The following NBAS variants were observed in gnomAD, a reference collection of about 807,000 sequenced individuals.
NBAS encodes NAG/BC035112 fusion.
A neutral mutation model predicts 302.5 loss-of-function variants in NBAS; 219 were observed. The observed-to-expected ratio is 0.72, with a 90% CI of 0.65 to 0.81. The LOEUF (loss-of-function observed/expected upper bound fraction) is 0.81. NBAS is among the 30% of genes least tolerant of loss of function. The probability of loss-of-function intolerance (pLI) is 0.00; values close to 1 mark genes in which losing one functional copy is unlikely to be tolerated. For synonymous variants in NBAS, 1,118 were observed against 1,021.6 expected, an observed-to-expected ratio of 1.09 and a Z score of -1.80; for missense variants, 2,932 against 2,841.6, an observed-to-expected ratio of 1.03 and a Z score of -0.72.
rs113085875 is a variant in NBAS, at chr2:15,508,211, C to G, written c.885+3001G>C. Among the ~76,000 whole-genome samples the G allele has an allele frequency of 1.1e-3, 165 of 152,294 alleles. 1 individual carries two copies. The highest frequency in any genetic ancestry group is 3.7e-3 in the African/African-American group (154 of 41,568). On this transcript the variant is annotated intron_variant, in intron 10 of 51. Coordinates refer to ENST00000281513, the MANE Select transcript of NBAS (RefSeq NM_015909.4). ...TCCATTTGCAATTCAATATTTTTCC[C>G]ACTTATTTTGTCAGCGCACAAGCAA...
chr2:14,865,354 G>A, the NBAS span, among the ~76,000 whole-genome samples: 1 of 152,086 alleles, frequency 6.6e-6, no homozygotes, highest in Non-Finnish European at 1.5e-5. Context: ...GGGGAGTCTA[G>A]AGGGAAAGAA....
the NBAS span, among the ~76,000 whole-genome samples, chr2:15,032,060 G>C: frequency 6.6e-6 from 1 of 152,194 alleles, no homozygotes; most frequent in Non-Finnish European, 1.5e-5. Flanking sequence ...GAATGGAGTC[G>C]AGTTGTTTCC....
At chr2:15,278,021 T>C (rs1417237260) in intron 42 of NBAS, among the ~76,000 whole-genome samples, 1 of 152,138 alleles carries the variant, frequency 6.6e-6, no homozygotes, top group African/African-American at 2.4e-5. Flanking sequence ...CAGAAGCATC[T>C]GGGGGCAGTA....
chr2:15,331,950 T>C (rs1362792613), intron 35 of NBAS, among the ~76,000 whole-genome samples: 1 of 152,050 alleles, frequency 6.6e-6, no homozygotes, highest in Non-Finnish European at 1.5e-5. Context: ...TATTTCTCAA[T>C]AAGGATCAGG....
At chr2:15,143,989 T>C in the NBAS span, among the ~76,000 whole-genome samples, 1 of 145,816 alleles carries the variant, frequency 6.9e-6, no homozygotes, top group Non-Finnish European at 1.5e-5. Flanking sequence ...GATAGCCCCT[T>C]GTGGGACCTT....
chr2:15,286,846 T>C (rs1420179606), intron 42 of NBAS, among the ~76,000 whole-genome samples: 1 of 152,216 alleles, frequency 6.6e-6, no homozygotes, highest in African/African-American at 2.4e-5. Context: ...TAGTGGCTAA[T>C]ACTTAGTCTA....
At chr2:15,497,764 G>C (rs566255047) in intron 11 of NBAS, among the ~76,000 whole-genome samples, 17 of 152,272 alleles carry the variant, frequency 1.1e-4, no homozygotes, top group African/African-American at 3.9e-4. Context: ...ACATTAAGAA[G>C]TATGGAATAT....
At chr2:15,184,854 T>C (rs1284565703) in intron 50 of NBAS, among the ~76,000 whole-genome samples, 1 of 152,184 alleles carries the variant, frequency 6.6e-6, no homozygotes, top group Non-Finnish European at 1.5e-5. Context: ...TTGCAAAAGT[T>C]ACAGTAAAAC....
At chr2:15,534,701 A>G in intron 8 of NBAS, 60 bp from the exon 9 acceptor site, 1 of 1,185,242 alleles carries the variant, frequency 8.4e-7, no homozygotes, top group Non-Finnish European at 1.3e-6. Context: ...ATATCACTAA[A>G]TACCCAATAA....
At chr2:15,198,895 G>A (rs1665741895) in intron 48 of NBAS, among the ~76,000 whole-genome samples, 1 of 152,120 alleles carries the variant, frequency 6.6e-6, no homozygotes, top group South Asian at 2.1e-4. Flanking sequence ...GGGAGGCCGA[G>A]GCGGGTGGAT....
At chr2:15,510,747 AT>A (rs1662099249) in intron 10 of NBAS, among the ~76,000 whole-genome samples, 1 of 152,194 alleles carries the variant, frequency 6.6e-6, no homozygotes, top group Non-Finnish European at 1.5e-5. Flanking sequence ...CTGGACTCTA[AT>A]TCTGCCATTT....
the NBAS span, among the ~76,000 whole-genome samples, chr2:15,121,721 AC>A: frequency 8.5e-6 from 1 of 118,026 alleles, no homozygotes; most frequent in Non-Finnish European, 1.8e-5. Context: ...TTGCAGATAT[AC>A]AAAAAAAATT....
At chr2:15,196,415 T>A (rs536224239) in intron 48 of NBAS, among the ~76,000 whole-genome samples, 1 of 152,312 alleles carries the variant, frequency 6.6e-6, no homozygotes, top group South Asian at 2.1e-4. Flanking sequence ...AATGTTACCA[T>A]TAGGGGAAAC....
At chr2:15,490,815 C>T (rs1379070939) in intron 11 of NBAS, among the ~76,000 whole-genome samples, 3 of 152,154 alleles carry the variant, frequency 2.0e-5, no homozygotes, top group Non-Finnish European at 2.9e-5. Context: ...CTAGTAGTCA[C>T]GAGCATGCCC....
downstream of NBAS, among the ~76,000 whole-genome samples, chr2:15,163,466 T>G (rs924673466): frequency 7.9e-5 from 12 of 152,218 alleles, no homozygotes; most frequent in African/African-American, 2.7e-4. Flanking sequence ...CTAGACATTC[T>G]GACTGAATGG....
At chr2:15,241,409 G>A (rs11681691) in intron 44 of NBAS, among the ~76,000 whole-genome samples, 18,754 of 152,106 alleles carry the variant, frequency 0.12, 1,546 homozygotes, top group East Asian at 0.3. Flanking sequence ...CTCTTAAAGA[G>A]GTCCAGATGA....
chr2:15,301,909 T>A (rs1303126452), intron 40 of NBAS, among the ~76,000 whole-genome samples: 12 of 152,310 alleles, frequency 7.9e-5, no homozygotes, highest in Non-Finnish European at 1.0e-4. Context: ...AATCATGGGA[T>A]GTGCAGAGCA....
At position 15,182,200 on chromosome 2, in the gene NBAS, A is replaced by G. The variant is rs565997276; in HGVS notation, c.6712-3084T>C. On this transcript the variant is annotated intron_variant, in intron 50 of 51. Transcript: ENST00000281513. The stretch of plus-strand genomic sequence containing the variant: ...GGGCCTGCTGCTCGACCTCCAGGGC[A>G]CTAGCCGTGCCTCTTGGACTGTGAT... Among the ~76,000 whole-genome samples, 18 of 152,332 alleles carry G rather than the reference A, an allele frequency of 1.2e-4. No homozygotes were observed. The South Asian group carries it at 2.5e-3, about 21-fold the overall frequency.
At chr2:15,454,965 C>A (rs976489852) in intron 21 of NBAS, among the ~76,000 whole-genome samples, 17 of 151,438 alleles carry the variant, frequency 1.1e-4, no homozygotes, top group African/African-American at 4.1e-4. Context: ...TGCAGTGGCA[C>A]GATCTAGGCT....
Sources: allele counts gnomAD v4.1 joint callset (sites outside exome capture counted in the v4.1 genomes callset), GRCh38; gene constraint gnomAD v4.1.1; transcripts MANE v1.5; gene names NCBI Gene and HGNC (gene_info 2026-07-23, HGNC 2026-07-21).